Variants in CDC42 observed in about 807,000 individuals in gnomAD.
CDC42 encodes cell division control protein 42 homolog.
A neutral mutation model predicts 20.8 loss-of-function variants in CDC42; 1 was observed. The observed-to-expected ratio is 0.05, with a 90% confidence interval of 0.02 to 0.23. The LOEUF (loss-of-function observed/expected upper bound fraction) is 0.23. Ranked by LOEUF, CDC42 falls within the 10% of genes least tolerant of loss-of-function variation. CDC42 has a pLI of 1.00. For missense variants in CDC42, 49 were observed against 227.9 expected, an observed-to-expected ratio of 0.21 and a Z score of 5.05; for synonymous variants, 72 against 84.8, an observed-to-expected ratio of 0.85 and a Z score of 0.83.
At chr1:22,055,675 G>C (rs1645297641) in intron 1 of CDC42, among the ~76,000 whole-genome samples, 1 of 151,868 alleles carries the variant, frequency 6.6e-6, no homozygotes, top group Admixed American at 6.6e-5. Context: ...CTTTTGTAGA[G>C]ATCGGGTTTC....
At chr1:22,082,419 A>G (rs1430285563) in intron 3 of CDC42, among the ~76,000 whole-genome samples, 1 of 152,216 alleles carries the variant, frequency 6.6e-6, no homozygotes, top group African/African-American at 2.4e-5. Context: ...TCCAAATTGT[A>G]AGAACAAATT....
intron 1 of CDC42, among the ~76,000 whole-genome samples, chr1:22,055,866 A>AGTTT (rs1553193142): frequency 1.1e-5 from 1 of 90,024 alleles, no homozygotes; most frequent in Non-Finnish European, 2.0e-5. Flanking sequence ...ATTGTTTTAG[A>AGTTT]GTTTTTTTTT....
chr1:22,090,796 C>T (rs748337244), intron 5 of CDC42: 19 of 984,752 alleles, frequency 1.9e-5, no homozygotes, highest in South Asian at 4.7e-5. Flanking sequence ...AATATACAAC[C>T]GTTTGTATAA....
At position 22,093,352 on chromosome 1, in the gene CDC42, C is replaced by T. The variant is rs1267239106; in HGVS notation, c.*1835C>T. Among the ~76,000 whole-genome samples the T allele has an allele frequency of 1.3e-5, 2 of 152,280 alleles. No individual in the cohort carries two copies. Among genetic ancestry groups the T allele is most frequent in the Admixed American group, 1.3e-4 (2 of 15,298 alleles). ...TGAACAATGTGATTTTTAAGTTTTC[C>T]AGGCATTTCTAAAATGTAGCCAAGT... On this transcript the variant is annotated 3_prime_UTR_variant, in exon 6 of 6. Coordinates refer to ENST00000656825, the MANE Select transcript of CDC42 (RefSeq NM_001791.4).
At position 22,060,783 on chromosome 1, in the gene CDC42, C is replaced by G. The variant is rs16826287; in HGVS notation, c.-51+8041C>G. ...AATTCTGAAATGGAATTAATACATT[C>G]ATATCACTTGCTTGCCTAAAAAACA... is the stretch of plus-strand genomic sequence containing the variant. On this transcript the variant is annotated intron_variant, in intron 1 of 5. Transcript: ENST00000656825. 7.3e-3 allele frequency among the ~76,000 whole-genome samples: 1,107 copies of G among 152,284 alleles called. 12 individuals carry two copies. Among genetic ancestry groups the G allele is most frequent in the African/African-American group, 0.025 (1,048 of 41,558 alleles).
Position 22,093,016 on chromosome 1 carries a change from C to G in CDC42, c.*1499C>G, listed in dbSNP as rs1197427811. The G allele has an allele frequency of 6.6e-6, 1 of 152,554 alleles. No homozygotes were observed. Among genetic ancestry groups the G allele is most frequent in the East Asian group, 1.9e-4 (1 of 5,204 alleles). 9.5% of individuals were successfully genotyped at this position (152,554 alleles called of 1,614,324 possible). ...GATATTGAGGAGTGGGAATTTGACT[C>G]TTGATAACATCAATTTCTAACAAAC... On this transcript the variant is annotated 3_prime_UTR_variant, in exon 6 of 6. Coordinates refer to ENST00000656825, the MANE Select transcript of CDC42 (RefSeq NM_001791.4).
chr1:22,069,348 G>T (rs1645458403), intron 1 of CDC42, among the ~76,000 whole-genome samples: 1 of 151,744 alleles, frequency 6.6e-6, no homozygotes, highest in South Asian at 2.1e-4. Context: ...GCAAATTTTT[G>T]TATTTTTGGT....
chr1:22,090,630 T>C (rs1329315422), intron 5 of CDC42: 10 of 985,378 alleles, frequency 1.0e-5, no homozygotes, highest in Non-Finnish European at 1.1e-5. Flanking sequence ...TGAGTTCATT[T>C]GTTACATTAT....
chr1:22,064,214 TTG>T (rs1645396600), intron 1 of CDC42: 1 of 152,126 alleles, frequency 6.6e-6, no homozygotes, highest in African/African-American at 2.4e-5. Flanking sequence ...ACAAAAAACC[TTG>T]TGTTTTCCTA....
chr1:22,065,769 T>G (rs6689660), intron 1 of CDC42, among the ~76,000 whole-genome samples: 2,844 of 67,312 alleles, frequency 0.042, 72 homozygotes, highest in African/African-American at 0.12. Context: ...CGTCTTTTTT[T>G]GGGGGGCGGG....
At chr1:22,088,343 A>G (rs1207809694) in intron 5 of CDC42, among the ~76,000 whole-genome samples, 1 of 152,248 alleles carries the variant, frequency 6.6e-6, no homozygotes, top group Non-Finnish European at 1.5e-5. Context: ...TTAGGTTACT[A>G]GTGATGCTTT....
intron 5 of CDC42, among the ~76,000 whole-genome samples, chr1:22,089,771 G>A (rs1342406819): frequency 2.0e-5 from 3 of 152,198 alleles, no homozygotes; most frequent in Non-Finnish European, 4.4e-5. Context: ...TTTTTGGTCA[G>A]TTATCTACTC....
In CDC42 at chr1:22,061,528, CTTTCTTTTTTTTT is replaced by C. The variant is rs1319791116; in HGVS notation, c.-51+8790_-51+8802del. 1.2e-4 allele frequency among the ~76,000 whole-genome samples: 10 copies of C among 86,296 alleles called. 1 individual carries two copies. Among genetic ancestry groups the C allele is most frequent in the African/African-American group, 1.8e-4 (4 of 22,428 alleles). 56.6% of individuals were successfully genotyped at this position (86,296 alleles called of 152,430 possible). On this transcript the variant is annotated intron_variant, in intron 1 of 5. Coordinates refer to ENST00000656825, the MANE Select transcript of CDC42 (RefSeq NM_001791.4). ...GGTCAATCAGTTTAACTTCATGTTT[CTTTCTTTTTTTTT>C]TTTTTTTTTTTTTTTTTTTTGAGAT...
chr1:22,097,852 A>C lies in CDC42; in HGVS notation c.*6335A>C, dbSNP rs985873055. 6.6e-6 allele frequency among the ~76,000 whole-genome samples: 1 copy of C among 152,234 alleles called. No homozygotes were observed. The highest frequency in any genetic ancestry group is 1.5e-5 in the Non-Finnish European group (1 of 68,040). On this transcript the variant is annotated 3_prime_UTR_variant, in exon 6 of 6. Coordinates refer to ENST00000656825, the MANE Select transcript of CDC42 (RefSeq NM_001791.4). ...GGGTCAGGATGGGAGGAGAGCCCTG[A>C]TTTTAATGCAGTGTCATAGTCTCAT...
At position 22,095,683 on chromosome 1, in the gene CDC42, C is replaced by T. The variant is rs908606988; in HGVS notation, c.*4166C>T. Among the ~76,000 whole-genome samples, 108 of 152,176 alleles carry T rather than the reference C, an allele frequency of 7.1e-4. No individual in the cohort carries two copies. The highest frequency in any genetic ancestry group is 2.9e-4 in the African/African-American group (12 of 41,452). On this transcript the variant is annotated 3_prime_UTR_variant, in exon 6 of 6. Coordinates refer to ENST00000656825, the MANE Select transcript of CDC42 (RefSeq NM_001791.4). ...TAATGTTGCATTTGAACCATGCCAA[C>T]GGTAGCTTATTAAAACAGCATTTAT...
intron 1 of CDC42, among the ~76,000 whole-genome samples, chr1:22,055,654 A>T (rs977679488): frequency 1.3e-5 from 2 of 151,808 alleles, no homozygotes; most frequent in Non-Finnish European, 2.9e-5. Context: ...AGACCCGGCT[A>T]ATTTTGGTAT....
intron 3 of CDC42, among the ~76,000 whole-genome samples, chr1:22,083,269 C>T (rs962777522): frequency 1.3e-5 from 2 of 151,976 alleles, no homozygotes; most frequent in Non-Finnish European, 2.9e-5. Context: ...CATTTTCTGG[C>T]GAGTACTTTT....
At position 22,101,257 on chromosome 1, in the gene CDC42, G is replaced by A. The variant is rs576537838; in HGVS notation, c.*9740G>A. 2 of 152,242 alleles carry A rather than the reference G, an allele frequency of 1.3e-5. No individual in the cohort carries two copies. Among genetic ancestry groups the A allele is most frequent in the Non-Finnish European group, 1.5e-5 (1 of 68,046 alleles). The allele number at this position is 152,242 out of a possible 1,614,324, so 9.4% of individuals were successfully genotyped here. On this transcript the variant is annotated 3_prime_UTR_variant, in exon 6 of 6. Transcript: ENST00000656825. ...TGTTGGAAAGAGCTCTCAGTTGGAA[G>A]TTGAAGATCCAGGTTCTAGTTGAGG...
Position 22,071,924 on chromosome 1 carries a change from T to A in CDC42, c.-50-6505T>A, listed in dbSNP as rs558893928. ...TACTCCCACCCCACAGCTTAAGGGC[T>A]CAGTCTTGGAAGACTGCCCTCACTT... On this transcript the variant is annotated intron_variant, in intron 1 of 5. Transcript: ENST00000656825. Among the ~76,000 whole-genome samples the A allele has an allele frequency of 2.8e-3, 425 of 152,242 alleles. 3 individuals are homozygous for A. Among genetic ancestry groups the A allele is most frequent in the African/African-American group, 0.01 (416 of 41,534 alleles).
Sources: gnomAD v4.1 joint callset for allele counts (sites outside exome capture counted in the v4.1 genomes callset) on GRCh38, gnomAD v4.1.1 for gene constraint, MANE v1.5 for transcripts, NCBI Gene and HGNC (gene_info 2026-07-23, HGNC 2026-07-21) for gene names.